CP: variants seen among roughly 807,000 people sequenced by gnomAD.
CP encodes the protein caeruloplasmin.
A neutral mutation model predicts 122.4 loss-of-function variants in CP; 64 were observed. That is an observed-to-expected ratio of 0.52 (90% confidence interval 0.43 to 0.64). CP has a LOEUF of 0.64. CP is among the 30% of genes least tolerant of loss of function. The pLI, the probability that CP is intolerant of heterozygous loss-of-function variation, is 0.00. For synonymous variants in CP, 440 were observed against 436.4 expected, an observed-to-expected ratio of 1.01 and a Z score of -0.10; for missense variants, 1,167 against 1,284.4, an observed-to-expected ratio of 0.91 and a Z score of 1.40.
chr3:149,184,478 T>A (rs948428750), intron 12 of CP, among the ~76,000 whole-genome samples: 1 of 152,214 alleles, frequency 6.6e-6, no homozygotes, highest in Admixed American at 6.5e-5. Context: ...AGGTCACCAG[T>A]TGTGCTATGC....
At chr3:149,194,948 T>C (rs1015489961) in intron 9 of CP, among the ~76,000 whole-genome samples, 2 of 152,194 alleles carry the variant, frequency 1.3e-5, no homozygotes, top group Non-Finnish European at 2.9e-5. Flanking sequence ...CAGTATGGTA[T>C]TGGTGCAAGA....
chr3:149,204,031 G>C (rs116812939), intron 6 of CP, among the ~76,000 whole-genome samples: 2,084 of 152,276 alleles, frequency 0.014, 47 homozygotes, highest in African/African-American at 0.046. Context: ...ATACAAAGAG[G>C]AAACTGCTTA....
intron 14 of CP, among the ~76,000 whole-genome samples, chr3:149,180,607 A>G (rs1001905326): frequency 5.3e-5 from 8 of 152,198 alleles, no homozygotes; most frequent in African/African-American, 9.7e-5. Flanking sequence ...AAGCAAGACA[A>G]CAGAGATGGT....
At chr3:149,167,292 G>A in intron 4 of CP, 1 of 1,390,514 alleles carries the variant, frequency 7.2e-7, no homozygotes, top group Non-Finnish European at 1.0e-6. Flanking sequence ...AATCAGATCT[G>A]ATAACCTCAT....
chr3:149,214,451 G>A (rs1728325754), intron 1 of CP, among the ~76,000 whole-genome samples: 2 of 152,068 alleles, frequency 1.3e-5, no homozygotes, highest in Non-Finnish European at 2.9e-5. Flanking sequence ...GTATAAACCC[G>A]AATTCCCAAA....
At chr3:149,177,680 C>T in intron 17 of CP, 160 bp downstream of exon 17, 1 of 786,996 alleles carries the variant, frequency 1.3e-6, no homozygotes, top group Admixed American at 2.3e-5. Context: ...TGAATATTTT[C>T]AATCCATGAT....
At chr3:149,188,350 TATTTC>T (rs1214273213) in intron 9 of CP, 148 bp from the exon 10 acceptor site, 2 of 669,418 alleles carry the variant, frequency 3.0e-6, no homozygotes, top group East Asian at 5.5e-5. Flanking sequence ...GTTCCTGAAA[TATTTC>T]AGTTCACCAC....
chr3:149,172,326 A>T (rs1184172225), downstream of CP: 12 of 664,438 alleles, frequency 1.8e-5, no homozygotes, highest in South Asian at 5.1e-5. Context: ...TATCACACAC[A>T]CACACACACA....
chr3:149,167,727 G>A (rs1008446299), downstream of CP, among the ~76,000 whole-genome samples: 1 of 152,132 alleles, frequency 6.6e-6, no homozygotes, highest in Non-Finnish European at 1.5e-5. Flanking sequence ...TATAGTTAAG[G>A]CAGAAGACTG....
chr3:149,168,406 C>A, downstream of CP: 1 of 201,272 alleles, frequency 5.0e-6, no homozygotes, highest in Non-Finnish European at 1.0e-5. Flanking sequence ...AGTTGAGTAT[C>A]TAAATTGTAC....
At chr3:149,162,987 A>G in intron 5 of CP, 1 of 949,858 alleles carries the variant, frequency 1.1e-6, no homozygotes. Flanking sequence ...TTCTATTACC[A>G]GGTATCTTAT....
In CP at chr3:149,207,507, A is replaced by G. The variant is rs377434030; in HGVS notation, c.892T>C (p.Phe298Leu). ...MGNEVDVHAA[F>L]FHGQALTNKN... ...TTAGTCAGTGCTTGCCCGTGAAAGA[A>G]AGCTGCGTGCACATCAACTTCATTA... is the stretch of plus-strand genomic sequence containing the variant. Residue 298 changes from phenylalanine to leucine, a missense_variant, in exon 5 of 19, where the codon TTC becomes CTC. This residue lies in a region of CP where 642 missense variants were observed against 627.3 expected (regional missense o/e 1.02). Transcript: ENST00000264613. 1.2e-6 allele frequency: 2 copies of G among 1,613,890 alleles called. No homozygotes were observed. The highest frequency in any genetic ancestry group is 2.7e-5 in the African/African-American group (2 of 74,912).
At chr3:149,215,610 T>G (rs577569373) in intron 1 of CP, among the ~76,000 whole-genome samples, 3 of 152,374 alleles carry the variant, frequency 2.0e-5, no homozygotes, top group East Asian at 1.9e-4. Context: ...GTTTATGCTT[T>G]GTCTCCAAAT....
intron 12 of CP, among the ~76,000 whole-genome samples, chr3:149,184,028 CTTTTTTTT>C (rs869206210): frequency 2.7e-4 from 17 of 63,564 alleles, no homozygotes; most frequent in African/African-American, 9.2e-4. Flanking sequence ...TCACTTACTT[CTTTTTTTT>C]TTTTTTTTTT....
Position 149,198,551 on chromosome 3 carries a change from G to A in CP, c.1529C>T (p.Ala510Val), listed in dbSNP as rs749291479. The change falls in exon 9 of 19, where the codon GCA (alanine) becomes GTA (valine). Residue 510 changes from alanine to valine, a missense_variant. Ala to Val is a moderately conservative substitution (Grantham distance 64). Transcript: ENST00000264613. ...TTCATAGGTGAATGTTTCTGTGGGT[G>A]CCACATGGGAGGCTGAAGGAGGCAC... ...RSVPPSASHV[A>V]PTETFTYEWT... 5.0e-6 allele frequency: 8 copies of A among 1,614,064 alleles called. No individual in the cohort carries two copies. The highest frequency in any genetic ancestry group is 4.5e-5 in the East Asian group (2 of 44,872).
chr3:149,186,744 G>A lies in CP; in HGVS notation c.1865-12C>T, dbSNP rs1033104751. 2 of 1,612,330 alleles carry A rather than the reference G, an allele frequency of 1.2e-6. No homozygotes were observed. The highest frequency in any genetic ancestry group is 2.7e-5 in the African/African-American group (2 of 74,962). ...GAATCCATTCATGGCTGTAAAAGTT[G>A]GGAAATAACATTTTGGAAGTGGTTT... is the stretch of plus-strand genomic sequence containing the variant. On this transcript the variant is annotated splice_polypyrimidine_tract_variant and intron_variant, in intron 10 of 18. Transcript: ENST00000264613.
At chr3:149,177,746 T>C (rs1273374091) in intron 17 of CP, 94 bp downstream of exon 17, 3 of 1,389,534 alleles carry the variant, frequency 2.2e-6, no homozygotes, top group Non-Finnish European at 3.1e-6. Flanking sequence ...TCTTTGCAGC[T>C]TTTTTTCATA....
chr3:149,193,412 C>T (rs1174724071), intron 9 of CP, among the ~76,000 whole-genome samples: 1 of 151,972 alleles, frequency 6.6e-6, no homozygotes, highest in African/African-American at 2.4e-5. Context: ...ACTTTGCAGT[C>T]ATTCAGAATA....
chr3:149,176,196 C>A (rs1394393629), intron 18 of CP, 54 bp downstream of exon 18: 1 of 1,542,046 alleles, frequency 6.5e-7, no homozygotes, highest in South Asian at 1.1e-5. Flanking sequence ...CAAAGTAGTT[C>A]CTTTAGTTAT....
Sources: allele counts gnomAD v4.1 joint callset (sites outside exome capture counted in the v4.1 genomes callset), GRCh38; gene constraint gnomAD v4.1.1; regional missense constraint gnomAD v4.1.1; transcripts MANE v1.5; gene names NCBI Gene and HGNC (gene_info 2026-07-23, HGNC 2026-07-21).